The following NACC2 variants were observed in gnomAD, a reference collection of about 807,000 sequenced individuals.
The protein encoded by NACC2 is nucleus accumbens-associated protein 2.
A neutral mutation model predicts 25.1 loss-of-function variants in NACC2; 8 were observed. That is an observed-to-expected ratio of 0.32 (90% CI 0.19 to 0.57). The LOEUF is 0.57. Ranked by LOEUF, NACC2 falls within the 20% of genes least tolerant of loss-of-function variation. NACC2 has a pLI of 0.89. For synonymous variants in NACC2, 435 were observed against 294.7 expected (o/e 1.48, Z -4.88); for missense variants, 644 against 650.2 (o/e 0.99, Z 0.10).
In NACC2 at chr9:136,018,067, G is replaced by A. The variant is rs570089903; in HGVS notation, c.887-1638C>T. Among the ~76,000 whole-genome samples the A allele has an allele frequency of 1.1e-4, 16 of 152,284 alleles. No homozygotes were observed. Among genetic ancestry groups the A allele is most frequent in the African/African-American group, 2.9e-4 (12 of 41,572 alleles). On this transcript the variant is annotated intron_variant, in intron 2 of 5. Coordinates refer to ENST00000277554, the MANE Select transcript of NACC2 (RefSeq NM_144653.5). This position sits in a 1 kb window ranked among gnomAD's most constrained non-coding sequence, Gnocchi z 4.4. Reference sequence around the variant, plus strand: ...CCTGCTGGTCTCAGCTGTGCAGAGGGAGGGGTGGGGTGGAACCTGCACGTC... The same window carrying A: ...CCTGCTGGTCTCAGCTGTGCAGAGGAAGGGGTGGGGTGGAACCTGCACGTC...
chr9:136,061,860 C>T (rs546216490), intron 1 of NACC2, among the ~76,000 whole-genome samples: 66 of 152,282 alleles, frequency 4.3e-4, no homozygotes, highest in African/African-American at 1.5e-3. Context: ...TGGCTCACAA[C>T]TGTAATCCCA....
chr9:136,094,569 A>G (rs1476889866), intron 1 of NACC2, among the ~76,000 whole-genome samples: 2 of 152,098 alleles, frequency 1.3e-5, no homozygotes, highest in African/African-American at 4.8e-5. Context: ...AGCTGGCAAG[A>G]GGCAGAGCCC....
Position 136,022,427 on chromosome 9 carries a change from G to C in NACC2, c.887-5998C>G, listed in dbSNP as rs1324997384. Among the ~76,000 whole-genome samples the C allele has an allele frequency of 6.6e-6, 1 of 152,236 alleles. No individual in the cohort carries two copies. The highest frequency in any genetic ancestry group is 1.5e-5 in the Non-Finnish European group (1 of 68,040). On this transcript the variant is annotated intron_variant, in intron 2 of 5. Coordinates refer to ENST00000277554, the MANE Select transcript of NACC2 (RefSeq NM_144653.5). This position sits in a 1 kb window ranked among gnomAD's most constrained non-coding sequence, Gnocchi z 4.4. ...AACTTGCTTCCCAGCTCCCCGCCCAGGTGCCTCCTGATGGCCAGAGCCCAG... is the reference window on the plus strand; with the variant it reads ...AACTTGCTTCCCAGCTCCCCGCCCACGTGCCTCCTGATGGCCAGAGCCCAG...
chr9:136,026,427 G>T (rs187072298), intron 2 of NACC2, among the ~76,000 whole-genome samples: 1 of 151,890 alleles, frequency 6.6e-6, no homozygotes, highest in Admixed American at 6.6e-5. Context: ...CATAGGACTT[G>T]GGGAAAGCCT....
At chr9:136,060,108 A>T (rs1357126721) in intron 1 of NACC2, among the ~76,000 whole-genome samples, 1 of 152,224 alleles carries the variant, frequency 6.6e-6, no homozygotes, top group Non-Finnish European at 1.5e-5. Context: ...AAGCCCATTT[A>T]CTAGAAATCC....
In NACC2 at chr9:136,094,672, C is replaced by G. The variant is rs543868420; in HGVS notation, c.-60+517G>C. ...GGTGACGACCCACGAACGGGCCCAC[C>G]TGGACCGGGAGGGCGAGGCGCGGGC... On this transcript the variant is annotated intron_variant, in intron 1 of 5. Transcript: ENST00000277554. Among the ~76,000 whole-genome samples, 388 of 152,202 alleles carry G rather than the reference C, an allele frequency of 2.5e-3. 1 individual carries two copies. The highest frequency in any genetic ancestry group is 9.0e-3 in the African/African-American group (372 of 41,556).
At chr9:136,017,523 A>G (rs10858205) in intron 2 of NACC2, among the ~76,000 whole-genome samples, 69,273 of 130,678 alleles carry the variant, frequency 0.53, 16,441 homozygotes, top group African/African-American at 0.64. Context: ...CCCCACCCCC[A>G]CCACCCTGAG....
At chr9:136,048,234 T>C (rs1208623601) in intron 2 of NACC2, among the ~76,000 whole-genome samples, 2 of 152,166 alleles carry the variant, frequency 1.3e-5, no homozygotes, top group African/African-American at 4.8e-5. Context: ...CTTGGGAGCC[T>C]TCCCCAGCAG....
chr9:136,079,226 C>A (rs1432434859), intron 1 of NACC2, among the ~76,000 whole-genome samples: 5 of 152,212 alleles, frequency 3.3e-5, no homozygotes, highest in Non-Finnish European at 5.9e-5. Flanking sequence ...AGGGTGGGAA[C>A]TGCACTCTCT....
rs191183769 is a variant in NACC2 at position 136,025,266 on chromosome 9, G to A, written c.887-8837C>T. Among the ~76,000 whole-genome samples the A allele has an allele frequency of 1.0e-3, 155 of 152,226 alleles. 3 individuals carry two copies. The highest frequency in any genetic ancestry group is 6.2e-4 in the Non-Finnish European group (42 of 68,000). On this transcript the variant is annotated intron_variant, in intron 2 of 5. Coordinates refer to ENST00000277554, the MANE Select transcript of NACC2 (RefSeq NM_144653.5). ...ATTTCCCCTCACTGCAGACCTTCACGCAACAGTCCCCAGACCCTTTGAGGA... is the reference window on the plus strand; with the variant it reads ...ATTTCCCCTCACTGCAGACCTTCACACAACAGTCCCCAGACCCTTTGAGGA...
At chr9:136,081,187 C>A (rs1830319955) in intron 1 of NACC2, among the ~76,000 whole-genome samples, 1 of 152,202 alleles carries the variant, frequency 6.6e-6, no homozygotes, top group Non-Finnish European at 1.5e-5. Context: ...GACTCTCCAG[C>A]CACCCAGGCC....
At chr9:136,042,003 CT>C (rs1165327538) in intron 2 of NACC2, among the ~76,000 whole-genome samples, 4,432 of 151,464 alleles carry the variant, frequency 0.029, 213 homozygotes, top group African/African-American at 0.1. Flanking sequence ...AAAACAATTT[CT>C]TTTTTTTTGA....
At chr9:136,078,812 T>C (rs1830291069) in intron 1 of NACC2, among the ~76,000 whole-genome samples, 2 of 152,202 alleles carry the variant, frequency 1.3e-5, no homozygotes, top group African/African-American at 4.8e-5. Flanking sequence ...ACCCCCAGCG[T>C]GGTCCCCTCC....
chr9:136,033,894 G>GGTGTGTGTGTGTGT (rs57460855), intron 2 of NACC2, among the ~76,000 whole-genome samples: 5 of 136,952 alleles, frequency 3.7e-5, no homozygotes, highest in East Asian at 4.3e-4. Context: ...AATTCCAGCA[G>GGTGTGTGTGTGTGT]GTGTGTGTGT....
At chr9:136,012,606 G>A (rs1469764362) in intron 5 of NACC2, among the ~76,000 whole-genome samples, 1 of 151,174 alleles carries the variant, frequency 6.6e-6, no homozygotes, top group East Asian at 1.9e-4. Context: ...GTAATTCCTG[G>A]CTGCAAAGGC....
intron 2 of NACC2, among the ~76,000 whole-genome samples, chr9:136,030,426 AG>A (rs1423229604): frequency 6.6e-6 from 1 of 151,896 alleles, no homozygotes; most frequent in African/African-American, 2.4e-5. Flanking sequence ...CGGTGAACAC[AG>A]TGAAACCCCA....
intron 2 of NACC2, among the ~76,000 whole-genome samples, chr9:136,038,196 G>T (rs1840581521): frequency 1.3e-5 from 2 of 152,178 alleles, no homozygotes; most frequent in South Asian, 4.1e-4. Flanking sequence ...TGATGAAATT[G>T]TTCTATATCT....
At chr9:136,040,487 G>T (rs1287984735) in intron 2 of NACC2, among the ~76,000 whole-genome samples, 4 of 152,070 alleles carry the variant, frequency 2.6e-5, no homozygotes, top group African/African-American at 7.2e-5. Context: ...TGTAACATCA[G>T]CAATTCTACT....
intron 2 of NACC2, among the ~76,000 whole-genome samples, chr9:136,049,174 T>C (rs1107549): frequency 0.73 from 111,526 of 152,180 alleles, 41,815 homozygotes; most frequent in Non-Finnish European, 0.81. Flanking sequence ...CTCAGCACAC[T>C]GGGCGCTTCC....
Sources: allele counts gnomAD v4.1 joint callset (sites outside exome capture counted in the v4.1 genomes callset), GRCh38; gene constraint gnomAD v4.1.1; non-coding constraint Gnocchi (gnomAD v3.1); transcripts MANE v1.5; gene names NCBI Gene and HGNC (gene_info 2026-07-23, HGNC 2026-07-21).